The following GJB7 variants were observed in gnomAD, a reference collection of about 807,000 sequenced individuals.
The protein encoded by GJB7 is gap junction protein beta 7.
For synonymous variants in GJB7, 87 were observed against 95.2 expected (o/e 0.91, Z 0.50); for missense variants, 253 against 256.8 (o/e 0.99, Z 0.10).
chr6:87,316,745 G>A (rs1012616423), intron 2 of GJB7, among the ~76,000 whole-genome samples: 23 of 152,056 alleles, frequency 1.5e-4, no homozygotes, highest in African/African-American at 4.8e-4. Context: ...TTCCCTAAAC[G>A]TGGATGCATC....
At chr6:87,303,422 G>C (rs1227696419) in intron 2 of GJB7, among the ~76,000 whole-genome samples, 1 of 152,106 alleles carries the variant, frequency 6.6e-6, no homozygotes, top group Non-Finnish European at 1.5e-5. Flanking sequence ...GATCAAAAGA[G>C]ACAAAGAAGG....
chr6:87,322,682 G>T, intron 2 of GJB7, 184 bp downstream of exon 2: 1 of 152,310 alleles, frequency 6.6e-6, no homozygotes, highest in Non-Finnish European at 1.5e-5. Flanking sequence ...GGCCTGGAGG[G>T]GCCAGGGCGG....
chr6:87,308,938 C>T (rs996254328), intron 2 of GJB7, among the ~76,000 whole-genome samples: 41 of 152,266 alleles, frequency 2.7e-4, no homozygotes, highest in African/African-American at 9.9e-4. Context: ...TTAAAATAAT[C>T]TTATAGGGAA....
At chr6:87,321,466 T>C (rs1776659679) in intron 2 of GJB7, among the ~76,000 whole-genome samples, 1 of 152,160 alleles carries the variant, frequency 6.6e-6, no homozygotes, top group African/African-American at 2.4e-5. Context: ...TCCGTTTTAA[T>C]GTTAATGCTG....
rs140365586 is a variant in GJB7 at position 87,304,276 on chromosome 6, G to A, written c.-28+18590C>T. 3.7e-3 allele frequency among the ~76,000 whole-genome samples: 558 copies of A among 152,124 alleles called. 2 individuals carry two copies. The highest frequency in any genetic ancestry group is 0.013 in the African/African-American group (529 of 41,506). On this transcript the variant is annotated intron_variant, in intron 2 of 2. Coordinates refer to ENST00000525899, the MANE Select transcript of GJB7 (RefSeq NM_198568.3). ...AAAAGATCAACAAAATTGATAGACC[G>A]CTAGCAAGATTAACAAAGAAGAAAA... is the stretch of plus-strand genomic sequence containing the variant.
intron 2 of GJB7, among the ~76,000 whole-genome samples, chr6:87,315,435 C>A (rs1776566267): frequency 6.6e-6 from 1 of 152,156 alleles, no homozygotes. Flanking sequence ...TGTATTTTAA[C>A]AGGATAGAAA....
rs1405168892 is a variant in GJB7 at position 87,297,910 on chromosome 6, G to A, written c.-27-12971C>T. Among the ~76,000 whole-genome samples, 7 of 152,144 alleles carry A rather than the reference G, an allele frequency of 4.6e-5. No individual in the cohort carries two copies. In the East Asian group the frequency reaches 1.2e-3, roughly 25 times the overall value. On this transcript the variant is annotated intron_variant, in intron 2 of 2. Coordinates refer to ENST00000525899, the MANE Select transcript of GJB7 (RefSeq NM_198568.3). ...GAATGCAGGGCCATCTTTCTCTTTGGTTTTCTTATGATGATCCTCCAGAGA... is the reference window on the plus strand; with the variant it reads ...GAATGCAGGGCCATCTTTCTCTTTGATTTTCTTATGATGATCCTCCAGAGA...
chr6:87,286,611 C>T (rs1776064925), intron 2 of GJB7, among the ~76,000 whole-genome samples: 2 of 152,124 alleles, frequency 1.3e-5, no homozygotes, highest in Admixed American at 6.5e-5. Context: ...TTTTTCATTT[C>T]GGTGACATTT....
At chr6:87,326,400 A>C in intron 1 of GJB7, among the ~76,000 whole-genome samples, 1 of 152,044 alleles carries the variant, frequency 6.6e-6, no homozygotes, top group Non-Finnish European at 1.5e-5. Flanking sequence ...TCTTGTGGGC[A>C]TTTAGGGCTA....
intron 2 of GJB7, among the ~76,000 whole-genome samples, chr6:87,289,629 G>A (rs1046233284): frequency 2.6e-5 from 4 of 152,176 alleles, no homozygotes; most frequent in Non-Finnish European, 4.4e-5. Flanking sequence ...AATAGATTGA[G>A]TAAACAATGT....
At chr6:87,294,066 A>G (rs1163798945) in intron 2 of GJB7, among the ~76,000 whole-genome samples, 3 of 152,234 alleles carry the variant, frequency 2.0e-5, no homozygotes, top group Non-Finnish European at 4.4e-5. Flanking sequence ...GGGAGAAACA[A>G]ATATAATAAT....
At chr6:87,316,107 G>A (rs1776580993) in intron 2 of GJB7, among the ~76,000 whole-genome samples, 1 of 152,124 alleles carries the variant, frequency 6.6e-6, no homozygotes, top group Non-Finnish European at 1.5e-5. Context: ...GTTGGCCAAG[G>A]AACAAGAAAA....
intron 2 of GJB7, among the ~76,000 whole-genome samples, chr6:87,305,462 C>T (rs918134125): frequency 1.3e-5 from 2 of 152,134 alleles, no homozygotes; most frequent in African/African-American, 4.8e-5. Flanking sequence ...AGGAATCCAA[C>T]TTACAAGGGA....
intron 1 of GJB7, among the ~76,000 whole-genome samples, chr6:87,326,010 G>C (rs1026246276): frequency 6.6e-6 from 1 of 152,116 alleles, no homozygotes; most frequent in Non-Finnish European, 1.5e-5. Context: ...TGTATGTGTC[G>C]AGGAACTTAT....
At chr6:87,321,190 G>A (rs1016212822) in intron 2 of GJB7, among the ~76,000 whole-genome samples, 2 of 143,736 alleles carry the variant, frequency 1.4e-5, no homozygotes, top group South Asian at 4.4e-4. Context: ...CTGCACTCCA[G>A]CCTGGGTGAC....
chr6:87,294,213 T>C (rs1776218514), intron 2 of GJB7, among the ~76,000 whole-genome samples: 1 of 152,130 alleles, frequency 6.6e-6, no homozygotes, highest in Non-Finnish European at 1.5e-5. Context: ...CTCTGCCCCT[T>C]TTGGATTTCA....
At chr6:87,295,354 T>A (rs550494295) in intron 2 of GJB7, among the ~76,000 whole-genome samples, 2 of 152,156 alleles carry the variant, frequency 1.3e-5, no homozygotes, top group African/African-American at 4.8e-5. Context: ...ACTTCAGGAA[T>A]GCAATAATCA....
chr6:87,313,035 C>A (rs751763953), intron 2 of GJB7, among the ~76,000 whole-genome samples: 2 of 152,206 alleles, frequency 1.3e-5, no homozygotes, highest in Non-Finnish European at 2.9e-5. Context: ...TAAACAACTT[C>A]TATCATTAAT....
At chr6:87,328,027 T>C (rs1044617311) in intron 1 of GJB7, among the ~76,000 whole-genome samples, 5 of 152,122 alleles carry the variant, frequency 3.3e-5, no homozygotes, top group African/African-American at 4.8e-5. Context: ...ACTGATACCC[T>C]TTCTTCCAGT....
Sources: gnomAD v4.1 joint callset for allele counts (sites outside exome capture counted in the v4.1 genomes callset) on GRCh38, gnomAD v4.1.1 for gene constraint, MANE v1.5 for transcripts, NCBI Gene and HGNC (gene_info 2026-07-23, HGNC 2026-07-21) for gene names.